Variants in AOPEP observed in about 807,000 individuals in gnomAD.
AOPEP encodes aminopeptidase O.
In AOPEP, 77 loss-of-function variants were observed where a neutral mutation model predicts 98.1. That is an observed-to-expected ratio of 0.78 (90% CI 0.65 to 0.95). AOPEP has a LOEUF of 0.95. AOPEP is among the 40% of genes least tolerant of loss of function. The pLI is 0.00. For missense variants in AOPEP, 1,024 were observed against 1,024.7 expected, an observed-to-expected ratio of 1.00 and a Z score of 0.01; for synonymous variants, 346 against 365.3, an observed-to-expected ratio of 0.95 and a Z score of 0.60.
chr9:94,790,083 G>A (rs533427778), intron 3 of AOPEP, among the ~76,000 whole-genome samples: 2 of 151,294 alleles, frequency 1.3e-5, no homozygotes, highest in Non-Finnish European at 2.9e-5. Flanking sequence ...CACCGTGTTA[G>A]CCAGGATGGT....
At chr9:94,810,594 C>T (rs1850335984) in intron 5 of AOPEP, among the ~76,000 whole-genome samples, 2 of 152,030 alleles carry the variant, frequency 1.3e-5, no homozygotes, top group South Asian at 2.1e-4. Context: ...GGATTACAGG[C>T]GTCAGCCACT....
chr9:94,746,351 A>G (rs1352162481), intron 1 of AOPEP, among the ~76,000 whole-genome samples: 1 of 152,200 alleles, frequency 6.6e-6, no homozygotes, highest in Non-Finnish European at 1.5e-5. Flanking sequence ...TGGAAATCTC[A>G]GACACTTAGG....
intron 2 of AOPEP, among the ~76,000 whole-genome samples, chr9:94,767,849 A>G (rs1588119645): frequency 6.6e-6 from 1 of 152,312 alleles, no homozygotes. Flanking sequence ...AGTATGATTG[A>G]TGAATTCTGG....
At chr9:94,970,959 A>G (rs558275140) in intron 10 of AOPEP, among the ~76,000 whole-genome samples, 1 of 152,184 alleles carries the variant, frequency 6.6e-6, no homozygotes, top group Non-Finnish European at 1.5e-5. Context: ...AGTGGTGACT[A>G]TGCATTCTTT....
At chr9:95,085,561 G>C in intron 16 of AOPEP, 1 of 480,446 alleles carries the variant, frequency 2.1e-6, no homozygotes, top group South Asian at 1.6e-5. Context: ...CAGTTAAGTT[G>C]GAGCCGCTGG....
intron 5 of AOPEP, among the ~76,000 whole-genome samples, chr9:94,863,177 T>C (rs1005194058): frequency 6.6e-6 from 1 of 152,026 alleles, no homozygotes; most frequent in African/African-American, 2.4e-5. Context: ...GCTTCTCTCC[T>C]GCTGCTCTAC....
chr9:94,852,013 T>C (rs1353774875), intron 5 of AOPEP, among the ~76,000 whole-genome samples: 3 of 151,978 alleles, frequency 2.0e-5, no homozygotes, highest in Non-Finnish European at 4.4e-5. Context: ...TGACAGTAGA[T>C]GTCACTGGAT....
At chr9:94,890,064 G>T (rs963300606) in intron 5 of AOPEP, among the ~76,000 whole-genome samples, 3 of 145,398 alleles carry the variant, frequency 2.1e-5, no homozygotes, top group African/African-American at 7.7e-5. Context: ...TCACTCTGTC[G>T]ACCAGGCTGG....
intron 3 of AOPEP, among the ~76,000 whole-genome samples, chr9:94,778,857 GTC>G (rs1842717883): frequency 6.6e-6 from 1 of 151,952 alleles, no homozygotes; most frequent in African/African-American, 2.4e-5. Context: ...GTGAAACCCC[GTC>G]TCTACAAAAA....
At chr9:95,079,314 G>A (rs1366729590) in intron 14 of AOPEP, among the ~76,000 whole-genome samples, 1 of 152,198 alleles carries the variant, frequency 6.6e-6, no homozygotes, top group Non-Finnish European at 1.5e-5. Context: ...CATTTACAGG[G>A]GCCCTCGCCA....
Position 94,726,762 on chromosome 9 carries a change from C to G in AOPEP, c.-136+11C>G, listed in dbSNP as rs1038002902. ...ACGCGGCTGAGACAGGTAACCTGTT[C>G]GCTCCCTGTTGGGTCCCTGCCTTCC... On this transcript the variant is annotated intron_variant, in intron 1 of 16. Transcript: ENST00000375315. 6.6e-6 allele frequency: 1 copy of G among 152,326 alleles called. No homozygotes were observed. The highest frequency in any genetic ancestry group is 2.1e-4 in the South Asian group (1 of 4,836). 9.4% of individuals were successfully genotyped at this position (152,326 alleles called of 1,614,324 possible).
chr9:95,100,637 A>G, the AOPEP span: 3 of 229,172 alleles, frequency 1.3e-5, no homozygotes, highest in African/African-American at 6.6e-5. Flanking sequence ...TACACTAACA[A>G]TGCCTTTTTT....
intron 13 of AOPEP, among the ~76,000 whole-genome samples, chr9:95,024,361 C>T (rs904659625): frequency 6.6e-6 from 1 of 152,242 alleles, no homozygotes; most frequent in Non-Finnish European, 1.5e-5. Flanking sequence ...AGTTCATCCA[C>T]AAGCTCGTGA....
rs372150068 is a variant in AOPEP, at chr9:94,973,602, A to G, written c.1917-5765A>G. ...GTCGCCCTATAGGATGTGGGGGTGC[A>G]CCAGGGAACAGCCAGCCAGAGGGCA... On this transcript the variant is annotated intron_variant, in intron 10 of 16. Transcript: ENST00000375315. Among the ~76,000 whole-genome samples the G allele has an allele frequency of 5.7e-4, 87 of 152,314 alleles. 2 individuals are homozygous for G. The South Asian group carries it at 0.017, about 30-fold the overall frequency.
At chr9:94,944,599 C>T (rs919482805) in intron 7 of AOPEP, among the ~76,000 whole-genome samples, 1 of 152,168 alleles carries the variant, frequency 6.6e-6, no homozygotes, top group Non-Finnish European at 1.5e-5. Context: ...GGGTCTTACT[C>T]TGTCCCCGAG....
At chr9:95,006,028 G>T (rs781125850) in intron 13 of AOPEP, 1 of 466,590 alleles carries the variant, frequency 2.1e-6, no homozygotes. Context: ...CTAAGAAATA[G>T]AGAGAGAAGA....
intron 13 of AOPEP, chr9:95,049,027 G>A (rs987560735): frequency 2.6e-5 from 4 of 152,268 alleles, no homozygotes. Context: ...CCAGGGGAGA[G>A]GGCTGGGCTC....
At chr9:94,919,334 C>A (rs1419199619) in intron 5 of AOPEP, among the ~76,000 whole-genome samples, 1 of 152,188 alleles carries the variant, frequency 6.6e-6, no homozygotes, top group Non-Finnish European at 1.5e-5. Flanking sequence ...AGAAGACTAT[C>A]CCCTCATCTC....
chr9:94,866,669 T>A (rs72748516), intron 5 of AOPEP, among the ~76,000 whole-genome samples: 6,796 of 152,274 alleles, frequency 0.045, 426 homozygotes, highest in African/African-American at 0.14. Flanking sequence ...AGGATTTTTA[T>A]AAAAACAATT....
Sources: allele counts gnomAD v4.1 joint callset (sites outside exome capture counted in the v4.1 genomes callset), GRCh38; gene constraint gnomAD v4.1.1; transcripts MANE v1.5; gene names NCBI Gene and HGNC (gene_info 2026-07-23, HGNC 2026-07-21).